The following CECR2 variants were observed in gnomAD, a reference collection of about 807,000 sequenced individuals.
CECR2 encodes chromatin remodeling regulator CECR2.
Under a neutral mutation model 154.5 loss-of-function variants are expected in CECR2, and 30 were observed. The ratio of observed to expected loss-of-function variants is 0.19; its 90% CI spans 0.15 to 0.26. The LOEUF (loss-of-function observed/expected upper bound fraction) is 0.26. Ranked by LOEUF, CECR2 falls within the 10% of genes least tolerant of loss-of-function variation. CECR2 has a pLI of 1.00. For synonymous variants in CECR2, 725 were observed against 683.7 expected, an observed-to-expected ratio of 1.06 and a Z score of -0.94; for missense variants, 1,743 against 1,829.3, an observed-to-expected ratio of 0.95 and a Z score of 0.86.
At chr22:17,481,478 G>A (rs534248916) in intron 2 of CECR2, among the ~76,000 whole-genome samples, 2 of 152,110 alleles carry the variant, frequency 1.3e-5, no homozygotes, top group East Asian at 3.9e-4. Flanking sequence ...TAATCATCAT[G>A]AAACACTATG....
rs183124161 is a variant in CECR2 at position 17,400,228 on chromosome 22, G to A, written c.126+30319G>A. On this transcript the variant is annotated intron_variant, in intron 1 of 18. Transcript: ENST00000262608. The stretch of plus-strand genomic sequence containing the variant: ...TTTTATTTACATTATATTTCCTGTA[G>A]TTTCAAAGTAATCTTTAGGATTACC... 1.1e-3 allele frequency among the ~76,000 whole-genome samples: 175 copies of A among 152,266 alleles called. No homozygotes were observed. In the Middle Eastern group the frequency reaches 0.02, roughly 18 times the overall value.
Position 17,548,364 on chromosome 22 carries a change from C to A in CECR2, c.3077C>A (p.Pro1026His). 1.2e-6 allele frequency: 2 copies of A among 1,612,844 alleles called. No homozygotes were observed. The highest frequency in any genetic ancestry group is 2.7e-5 in the African/African-American group (2 of 75,022). Residue 1026 changes from proline (P) to histidine (H), a missense_variant, in exon 17 of 19, where the codon CCC becomes CAC. This residue lies in a region of CECR2 where 1,250 missense variants were observed against 1,192.1 expected (regional missense o/e 1.05). Coordinates refer to ENST00000262608, the MANE Select transcript of CECR2 (RefSeq NM_001290047.2). ...CKAMKGKNPW[P>H]SDSSYPGPAA... ...GCAATGAAGGGCAAGAATCCCTGGC[C>A]CTCGGATAGCAGCTACCCCGGCCCA...
intron 1 of CECR2, among the ~76,000 whole-genome samples, chr22:17,431,131 A>G (rs2054415861): frequency 6.6e-6 from 1 of 152,200 alleles, no homozygotes. Flanking sequence ...TGTTTTTGCT[A>G]AAGCTGGGGT....
At chr22:17,483,612 AT>A (rs1282703010) in intron 2 of CECR2, among the ~76,000 whole-genome samples, 1 of 152,196 alleles carries the variant, frequency 6.6e-6, no homozygotes, top group Non-Finnish European at 1.5e-5. Context: ...AAAGAAAAAA[AT>A]ATTTTTGTAT....
At chr22:17,432,685 G>C (rs892941446) in intron 1 of CECR2, among the ~76,000 whole-genome samples, 3 of 152,134 alleles carry the variant, frequency 2.0e-5, no homozygotes, top group African/African-American at 7.2e-5. Context: ...GCACAGGCTA[G>C]AATGTCATGA....
At chr22:17,465,565 A>G (rs1485808806) in intron 1 of CECR2, among the ~76,000 whole-genome samples, 1 of 151,926 alleles carries the variant, frequency 6.6e-6, no homozygotes, top group African/African-American at 2.4e-5. Flanking sequence ...GCTCACTGCA[A>G]CTTCCACCTC....
At chr22:17,394,538 T>A (rs149346879) in intron 1 of CECR2, among the ~76,000 whole-genome samples, 1 of 152,262 alleles carries the variant, frequency 6.6e-6, no homozygotes, top group Non-Finnish European at 1.5e-5. Flanking sequence ...TATATATCTG[T>A]CCCTGTGCCA....
At chr22:17,397,138 T>A (rs1018704212) in intron 1 of CECR2, among the ~76,000 whole-genome samples, 5 of 152,052 alleles carry the variant, frequency 3.3e-5, no homozygotes, top group Admixed American at 6.6e-5. Flanking sequence ...TTATTTATTT[T>A]ATTTATTTAT....
intron 1 of CECR2, among the ~76,000 whole-genome samples, chr22:17,404,361 G>GTTTTTTTTTTTTT (rs2053945581): frequency 1.3e-5 from 1 of 74,806 alleles, no homozygotes; most frequent in Non-Finnish European, 2.5e-5. Flanking sequence ...TCTGGACCCT[G>GTTTTTTTTTTTTT]TTCTTTCTTT....
chr22:17,415,671 G>C (rs1429221956), intron 1 of CECR2, among the ~76,000 whole-genome samples: 1 of 152,070 alleles, frequency 6.6e-6, no homozygotes, highest in Non-Finnish European at 1.5e-5. Flanking sequence ...CCTGGGCCTG[G>C]GTGGATCAGG....
chr22:17,447,223 C>T (rs2054686062), intron 1 of CECR2, among the ~76,000 whole-genome samples: 1 of 149,416 alleles, frequency 6.7e-6, no homozygotes, highest in Non-Finnish European at 1.5e-5. Context: ...TTTTAGTAGA[C>T]GGGACTGCAA....
Position 17,515,315 on chromosome 22 carries a change from G to T in CECR2, c.954+3419G>T, listed in dbSNP as rs569340032. ...AGACAGGTGGAGCAATAACTAGGGG[G>T]ACAGATGGCATCCGCAAGGGCAGGA... On this transcript the variant is annotated intron_variant, in intron 8 of 18. Transcript: ENST00000262608. 1.3e-5 allele frequency among the ~76,000 whole-genome samples: 2 copies of T among 152,116 alleles called. 1 individual carries two copies. The highest frequency in any genetic ancestry group is 1.3e-4 in the Admixed American group (2 of 15,278).
rs539344560 is a variant in CECR2 at position 17,557,996 on chromosome 22, C to A, written c.*5156C>A. On this transcript the variant is annotated 3_prime_UTR_variant, in exon 19 of 19. Coordinates refer to ENST00000262608, the MANE Select transcript of CECR2 (RefSeq NM_001290047.2). ...CGTGGTCTGCTGATTCCCTGTTTCA[C>A]TGAGAGCGACACTTACCTCAATAGT... The A allele has an allele frequency of 1.8e-4, 27 of 152,326 alleles. No homozygotes were observed. The highest frequency in any genetic ancestry group is 6.3e-4 in the African/African-American group (26 of 41,576). 9.4% of individuals were successfully genotyped at this position (152,326 alleles called of 1,614,324 possible).
chr22:17,400,060 CT>C (rs1324181629), intron 1 of CECR2, among the ~76,000 whole-genome samples: 2 of 152,112 alleles, frequency 1.3e-5, no homozygotes, highest in African/African-American at 4.8e-5. Context: ...AGCACCATTA[CT>C]TTTTAAAAAA....
intron 1 of CECR2, among the ~76,000 whole-genome samples, chr22:17,473,804 T>A (rs2055166405): frequency 1.3e-5 from 2 of 152,206 alleles, no homozygotes; most frequent in South Asian, 2.1e-4. Flanking sequence ...TCCAAAACTG[T>A]TTCGTCTTCC....
At chr22:17,473,791 A>C (rs981795538) in intron 1 of CECR2, among the ~76,000 whole-genome samples, 6 of 152,212 alleles carry the variant, frequency 3.9e-5, no homozygotes, top group African/African-American at 1.4e-4. Context: ...TGTCAAAGAG[A>C]TATCCAAAAC....
intron 8 of CECR2, among the ~76,000 whole-genome samples, chr22:17,522,756 G>A (rs1055904217): frequency 6.6e-6 from 1 of 152,202 alleles, no homozygotes; most frequent in Admixed American, 6.5e-5. Context: ...TGTAATCCCA[G>A]CACTTTGGGA....
At chr22:17,469,590 A>ATTT (rs1449509062) in intron 1 of CECR2, among the ~76,000 whole-genome samples, 1 of 106,408 alleles carries the variant, frequency 9.4e-6, no homozygotes, top group South Asian at 4.0e-4. Context: ...TGATGATAAC[A>ATTT]TTGTTTTTTT....
chr22:17,429,436 T>TG (rs2054384436), intron 1 of CECR2, among the ~76,000 whole-genome samples: 1 of 151,162 alleles, frequency 6.6e-6, no homozygotes, highest in Non-Finnish European at 1.5e-5. Context: ...GCGCGGTGGC[T>TG]CACACCTGTA....
Sources: gnomAD v4.1 joint callset for allele counts (sites outside exome capture counted in the v4.1 genomes callset) on GRCh38, gnomAD v4.1.1 for gene constraint, gnomAD v4.1.1 regional missense constraint, MANE v1.5 for transcripts, NCBI Gene and HGNC (gene_info 2026-07-23, HGNC 2026-07-21) for gene names.